MLIP: variants seen among roughly 807,000 people sequenced by gnomAD.
MLIP encodes the protein muscular LMNA-interacting protein.
In MLIP, 79 loss-of-function variants were observed where a neutral mutation model predicts 84.8. The ratio of observed to expected loss-of-function variants is 0.93; its 90% CI spans 0.78 to 1.12. MLIP has a LOEUF of 1.12. MLIP is among the 50% of genes most tolerant of loss of function. MLIP has a pLI of 0.00. For synonymous variants in MLIP, 504 were observed against 463.0 expected (o/e 1.09, Z -1.14); for missense variants, 1,257 against 1,160.6 (o/e 1.08, Z -1.21).
Position 54,117,972 on chromosome 6 carries a change from A to ACAG in MLIP, c.97-3473_97-3472insGCA, listed in dbSNP as rs773203377. On this transcript the variant is annotated intron_variant, in intron 1 of 13. Coordinates refer to ENST00000502396, the MANE Select transcript of MLIP (RefSeq NM_001281747.2). ...AACAACAACAACAACAACAACAGCA[A>ACAG]CAACAACAACAACAACAACAACAAA... Among the ~76,000 whole-genome samples, 10 of 56,888 alleles carry ACAG rather than the reference A, an allele frequency of 1.8e-4. No individual in the cohort carries two copies. In the Admixed American group the frequency reaches 2.0e-3, roughly 11 times the overall value. 37.3% of individuals were successfully genotyped at this position (56,888 alleles called of 152,430 possible).
At chr6:54,045,924 T>A (rs938979482) in intron 1 of MLIP, 4 of 152,218 alleles carry the variant, frequency 2.6e-5, no homozygotes, top group Admixed American at 2.0e-4. Flanking sequence ...GTGAACCAAT[T>A]TAACTTATTT....
chr6:54,229,302 C>G (rs1369707047), intron 11 of MLIP, among the ~76,000 whole-genome samples: 1 of 152,136 alleles, frequency 6.6e-6, no homozygotes, highest in African/African-American at 2.4e-5. Flanking sequence ...AAAAATCAAA[C>G]AAGACACAGA....
intron 1 of MLIP, among the ~76,000 whole-genome samples, chr6:54,057,202 T>C (rs1488697991): frequency 1.3e-5 from 2 of 152,172 alleles, no homozygotes; most frequent in Non-Finnish European, 2.9e-5. Flanking sequence ...ATGGCATTTA[T>C]CCACAAAACT....
chr6:54,155,874 T>C (rs946662387), intron 5 of MLIP, among the ~76,000 whole-genome samples: 10 of 152,240 alleles, frequency 6.6e-5, no homozygotes, highest in African/African-American at 2.4e-4. Flanking sequence ...AGAGTATTTC[T>C]GATTATTTGT....
intron 4 of MLIP, among the ~76,000 whole-genome samples, chr6:54,143,941 T>G (rs1333230779): frequency 1.3e-5 from 2 of 152,052 alleles, no homozygotes; most frequent in East Asian, 3.9e-4. Context: ...GAAACAAAAT[T>G]ATGCATTTAA....
At chr6:54,156,014 AC>A (rs761277055) in intron 5 of MLIP, among the ~76,000 whole-genome samples, 44 of 152,154 alleles carry the variant, frequency 2.9e-4, no homozygotes, top group Middle Eastern at 3.4e-3. Flanking sequence ...ATTTTAAGAG[AC>A]TTTTACCCGA....
At chr6:54,181,806 T>G (rs1353561085) in intron 9 of MLIP, among the ~76,000 whole-genome samples, 1 of 152,188 alleles carries the variant, frequency 6.6e-6, no homozygotes, top group East Asian at 1.9e-4. Flanking sequence ...AGAAACATCA[T>G]GAGCCAGGGC....
upstream of MLIP, among the ~76,000 whole-genome samples, chr6:54,110,588 A>G (rs1769379794): frequency 6.6e-6 from 1 of 152,228 alleles, no homozygotes; most frequent in African/African-American, 2.4e-5. Flanking sequence ...GGCTTTTGAT[A>G]ACATCGAAAA....
chr6:54,227,049 A>G lies in MLIP; in HGVS notation c.2719-3665A>G, dbSNP rs538040630. 1.4e-4 allele frequency among the ~76,000 whole-genome samples: 21 copies of G among 152,300 alleles called. No individual in the cohort carries two copies. In the South Asian group the frequency reaches 2.3e-3, roughly 17 times the overall value. ...TGTGAGGTGATTAGATCATGGGGGC[A>G]GATTTCCCTCTTGCTGTTGTCATGA... On this transcript the variant is annotated intron_variant, in intron 11 of 13. Coordinates refer to ENST00000502396, the MANE Select transcript of MLIP (RefSeq NM_001281747.2).
At chr6:54,254,238 TG>T in intron 12 of MLIP, among the ~76,000 whole-genome samples, 1 of 151,692 alleles carries the variant, frequency 6.6e-6, no homozygotes, top group East Asian at 1.9e-4. Context: ...GCAATTCTCC[TG>T]CCTCAGCCTC....
Position 54,123,290 on chromosome 6 carries a change from G to T in MLIP, c.253-1183G>T, listed in dbSNP as rs148878850. Among the ~76,000 whole-genome samples the T allele has an allele frequency of 5.2e-3, 798 of 152,178 alleles. 1 individual carries two copies. The highest frequency in any genetic ancestry group is 0.018 in the African/African-American group (758 of 41,510). On this transcript the variant is annotated intron_variant, in intron 2 of 13. Transcript: ENST00000502396. Reference sequence around the variant, plus strand: ...ACATATGTTATTCTCTTGATGATTGGATTCCAACTGAATAAAGACAATTCA... The same window carrying T: ...ACATATGTTATTCTCTTGATGATTGTATTCCAACTGAATAAAGACAATTCA...
chr6:54,130,303 G>C (rs1771272848), intron 3 of MLIP, among the ~76,000 whole-genome samples: 1 of 152,168 alleles, frequency 6.6e-6, no homozygotes, highest in Admixed American at 6.5e-5. Context: ...TTTAAGAAGA[G>C]AGTCTCCTGA....
chr6:54,128,695 G>A (rs982695226), intron 3 of MLIP, among the ~76,000 whole-genome samples: 1 of 152,098 alleles, frequency 6.6e-6, no homozygotes, highest in Non-Finnish European at 1.5e-5. Context: ...GAGGGGTGAT[G>A]TGGGAAAACC....
At chr6:54,128,938 A>G (rs970711326) in intron 3 of MLIP, among the ~76,000 whole-genome samples, 1 of 151,032 alleles carries the variant, frequency 6.6e-6, no homozygotes. Context: ...TTTTTTTTGG[A>G]GGGGGGGCAC....
At chr6:54,224,893 G>T (rs1780473605) in intron 11 of MLIP, among the ~76,000 whole-genome samples, 1 of 152,074 alleles carries the variant, frequency 6.6e-6, no homozygotes, top group African/African-American at 2.4e-5. Context: ...TCTCATCCAG[G>T]TCACTGCAAA....
Position 54,169,529 on chromosome 6 carries a change from C to A in MLIP, c.2501C>A (p.Thr834Asn). Reference protein sequence around the residue: ...KTLLGSDTVKTPTTLPRAAGR... With the variant: ...KTLLGSDTVKNPTTLPRAAGR... ...ATAATTGTTTTTATTTTCATACAGA[C>A]TCCTACAACTCTTCCAAGAGCAGCT... Residue 834 changes from threonine (T) to asparagine (N), a missense_variant and splice_region_variant, in exon 9 of 14, where the codon ACT (threonine) becomes AAT (asparagine). Coordinates refer to ENST00000502396, the MANE Select transcript of MLIP (RefSeq NM_001281747.2). 3.8e-6 allele frequency: 6 copies of A among 1,586,780 alleles called. No homozygotes were observed. The South Asian group carries it at 5.8e-5, about 15-fold the overall frequency.
rs370331729 is a variant in MLIP, at chr6:54,230,668, C to G, written c.2719-46C>G. 1.9e-6 allele frequency: 3 copies of G among 1,592,548 alleles called. No homozygotes were observed. In the African/African-American group the frequency reaches 4.0e-5, roughly 21 times the overall value. On this transcript the variant is annotated intron_variant, in intron 11 of 13. Coordinates refer to ENST00000502396, the MANE Select transcript of MLIP (RefSeq NM_001281747.2). ...TAGACCTAATTCCAAGCGTGCTTGACTTTTTTATGCTAACATCCTCTTATG... is the reference window on the plus strand; with the variant it reads ...TAGACCTAATTCCAAGCGTGCTTGAGTTTTTTATGCTAACATCCTCTTATG...
At position 54,136,956 on chromosome 6, in the gene MLIP, C is replaced by T. The variant is rs1771853109; in HGVS notation, c.887C>T (p.Thr296Met). ...PFSASKGTSS[T>M]LLFPHSTQLS... ...TCTGCATCGAAGGGCACCTCCTCGA[C>T]GTTACTGTTTCCCCATTCCACTCAA... is the stretch of plus-strand genomic sequence containing the variant. Residue 296 changes from threonine to methionine, a missense_variant, in exon 4 of 14, where the codon ACG (threonine) becomes ATG (methionine). Coordinates refer to ENST00000502396, the MANE Select transcript of MLIP (RefSeq NM_001281747.2). The T allele has an allele frequency of 6.5e-7, 1 of 1,536,042 alleles. No homozygotes were observed. Among genetic ancestry groups the T allele is most frequent in the Non-Finnish European group, 8.7e-7 (1 of 1,146,864 alleles).
intron 5 of MLIP, among the ~76,000 whole-genome samples, chr6:54,150,122 A>G (rs1773285569): frequency 6.6e-6 from 1 of 152,184 alleles, no homozygotes; most frequent in South Asian, 2.1e-4. Flanking sequence ...TCTGAAGAGT[A>G]AAACCTTTGT....
Sources: allele counts gnomAD v4.1 joint callset (sites outside exome capture counted in the v4.1 genomes callset), GRCh38; gene constraint gnomAD v4.1.1; transcripts MANE v1.5; gene names NCBI Gene and HGNC (gene_info 2026-07-23, HGNC 2026-07-21).